UGT1A8: variants seen among roughly 807,000 people sequenced by gnomAD.
UGT1A8 encodes UDP glucuronosyltransferase family 1 member A8, also known as UDP-glucuronosyltransferase 1A8.
A neutral mutation model predicts 45.3 loss-of-function variants in UGT1A8; 39 were observed. The ratio of observed to expected loss-of-function variants is 0.86; its 90% confidence interval spans 0.67 to 1.12. The LOEUF is 1.12. Ranked by LOEUF, UGT1A8 falls within the 50% of genes most tolerant of loss-of-function variation. The pLI is 0.00. For missense variants in UGT1A8, 719 were observed against 664.9 expected (o/e 1.08, Z -0.90); for synonymous variants, 275 against 249.2 (o/e 1.10, Z -0.97).
At chr2:233,627,622 TTTCTTCCTTCCTTC>T (rs1175024583) in intron 1 of UGT1A8, among the ~76,000 whole-genome samples, 2 of 147,774 alleles carry the variant, frequency 1.4e-5, no homozygotes, top group African/African-American at 5.0e-5. Flanking sequence ...CCTTCCTTCC[TTTCTTCCTTCCTTC>T]CTTCCTTCCT....
At chr2:233,717,925 A>C (rs1037002174) in intron 1 of UGT1A8, 1 of 454,728 alleles carries the variant, frequency 2.2e-6, no homozygotes, top group Non-Finnish European at 4.4e-6. Flanking sequence ...ATGAATGGAT[A>C]CTTCAGTCTC....
chr2:233,618,232 C>T lies in UGT1A8; in HGVS notation c.525C>T (p.His175=), dbSNP rs201695290. ...SVVFARGIAC[H]YLEEGAQCPA... is the part of the protein sequence containing the mutation. The stretch of plus-strand genomic sequence containing the variant: ...TCTTCGCCAGGGGAATAGCTTGCCA[C>T]TATCTTGAAGAAGGTGCACAGTGCC... The change falls in exon 1 of 5, where the codon CAC becomes CAT. Residue 175 remains histidine (H), a synonymous_variant. Transcript: ENST00000373450. The T allele has an allele frequency of 6.2e-7, 1 of 1,613,942 alleles. No homozygotes were observed. Among genetic ancestry groups the T allele is most frequent in the Middle Eastern group, 1.7e-4 (1 of 6,058 alleles).
intron 1 of UGT1A8, among the ~76,000 whole-genome samples, chr2:233,681,677 T>G (rs931649702): frequency 3.3e-5 from 5 of 152,144 alleles, no homozygotes; most frequent in African/African-American, 1.2e-4. Flanking sequence ...TCTAAACTCA[T>G]ATTGCAGCAC....
intron 1 of UGT1A8, among the ~76,000 whole-genome samples, chr2:233,654,450 A>G (rs1207650825): frequency 1.3e-5 from 2 of 152,248 alleles, no homozygotes; most frequent in Admixed American, 6.5e-5. Context: ...GTACTCCAGC[A>G]GAGCATCATA....
chr2:233,701,410 C>G (rs905245248), intron 1 of UGT1A8, among the ~76,000 whole-genome samples: 1 of 152,020 alleles, frequency 6.6e-6, no homozygotes, highest in African/African-American at 2.4e-5. Flanking sequence ...CTTTAACACC[C>G]CACTGTCAAC....
intron 1 of UGT1A8, among the ~76,000 whole-genome samples, chr2:233,722,425 T>G (rs1224691160): frequency 6.6e-6 from 1 of 152,236 alleles, no homozygotes; most frequent in African/African-American, 2.4e-5. Context: ...ATGGATAGGT[T>G]GAATTATTTG....
intron 1 of UGT1A8, chr2:233,672,791 T>G (rs754609024): frequency 1.9e-5 from 31 of 1,612,892 alleles, no homozygotes; most frequent in Non-Finnish European, 2.5e-5. Context: ...TTGCCTATGG[T>G]AAGTTATCTC....
intron 1 of UGT1A8, among the ~76,000 whole-genome samples, chr2:233,731,531 G>A (rs1424894745): frequency 2.0e-5 from 3 of 152,100 alleles, no homozygotes; most frequent in African/African-American, 4.8e-5. Context: ...GAGAACATGC[G>A]GTGTTTGGTT....
chr2:233,631,333 T>C (rs1458831718), intron 1 of UGT1A8, among the ~76,000 whole-genome samples: 1 of 152,218 alleles, frequency 6.6e-6, no homozygotes, highest in Non-Finnish European at 1.5e-5. Flanking sequence ...GAATGATTTA[T>C]AATCCTTTGG....
In UGT1A8 at chr2:233,719,646, A is replaced by C. The variant is rs147342917; in HGVS notation, c.856-47388A>C. The stretch of plus-strand genomic sequence containing the variant: ...GCCGATCATGCCCAACATGGTCTTC[A>C]TTGGGGGCATCAACTGTGCCAACGG... On this transcript the variant is annotated intron_variant, in intron 1 of 4. Transcript: ENST00000373450. 2.8e-3 allele frequency: 4,509 copies of C among 1,613,986 alleles called. 13 individuals carry two copies. Among genetic ancestry groups the C allele is most frequent in the Non-Finnish European group, 3.7e-3 (4,328 of 1,179,976 alleles).
intron 1 of UGT1A8, among the ~76,000 whole-genome samples, chr2:233,683,306 A>G (rs1199443258): frequency 6.6e-6 from 1 of 152,132 alleles, no homozygotes; most frequent in East Asian, 1.9e-4. Flanking sequence ...AGGTCAATGC[A>G]TACAGATTTG....
chr2:233,626,796 A>G (rs1053063678), intron 1 of UGT1A8, among the ~76,000 whole-genome samples: 11 of 152,234 alleles, frequency 7.2e-5, no homozygotes, highest in Middle Eastern at 3.4e-3. Context: ...GGAAGCAGGT[A>G]GACCACTTTG....
intron 1 of UGT1A8, among the ~76,000 whole-genome samples, chr2:233,659,077 A>T (rs576699398): frequency 1.3e-4 from 20 of 152,324 alleles, no homozygotes; most frequent in Non-Finnish European, 2.8e-4. Flanking sequence ...ATTCTTGAAC[A>T]TATCTCTATA....
At chr2:233,625,609 T>TA (rs1559313236) in intron 1 of UGT1A8, among the ~76,000 whole-genome samples, 2 of 151,618 alleles carry the variant, frequency 1.3e-5, no homozygotes, top group Admixed American at 1.3e-4. Flanking sequence ...TATGCAGTCA[T>TA]AAAAAAAGAA....
intron 1 of UGT1A8, among the ~76,000 whole-genome samples, chr2:233,634,962 G>A (rs1418634547): frequency 1.3e-5 from 2 of 150,336 alleles, no homozygotes; most frequent in Non-Finnish European, 3.0e-5. Flanking sequence ...TCCATATTTA[G>A]TGCTTCCTTC....
In UGT1A8 at chr2:233,691,414, C is replaced by T. The variant is rs1302692454; in HGVS notation, c.855+72852C>T. ...GGGCCAGCCCTGTCCTTGGAGTGGCCCCTCTAATCATGTTGCTCAGGCTTC... is the reference window on the plus strand; with the variant it reads ...GGGCCAGCCCTGTCCTTGGAGTGGCTCCTCTAATCATGTTGCTCAGGCTTC... On this transcript the variant is annotated intron_variant, in intron 1 of 4. Transcript: ENST00000373450. The T allele has an allele frequency of 4.1e-6, 4 of 985,422 alleles. No homozygotes were observed. The East Asian group carries it at 4.5e-4, about 112-fold the overall frequency. The allele number at this position is 985,422 out of a possible 1,614,324, so 61.0% of individuals were successfully genotyped here. A position where few individuals can be genotyped will look rare whatever the true frequency, so the allele number is the denominator to read the frequency against.
chr2:233,719,749 T>G, intron 1 of UGT1A8: 1 of 1,612,804 alleles, frequency 6.2e-7, no homozygotes, highest in South Asian at 1.1e-5. Flanking sequence ...AAAAATGTAT[T>G]TACTTACAAG....
At chr2:233,728,783 A>T (rs1324632843) in intron 1 of UGT1A8, among the ~76,000 whole-genome samples, 1 of 152,246 alleles carries the variant, frequency 6.6e-6, no homozygotes, top group Admixed American at 6.5e-5. Context: ...CCTGATAAAC[A>T]TGGTTAACAG....
chr2:233,654,062 C>A (rs186023679), intron 1 of UGT1A8, among the ~76,000 whole-genome samples: 1 of 152,238 alleles, frequency 6.6e-6, no homozygotes, highest in East Asian at 1.9e-4. Flanking sequence ...TTAGAATTCT[C>A]CATAAGTCTA....
Sources: allele counts gnomAD v4.1 joint callset (sites outside exome capture counted in the v4.1 genomes callset), GRCh38; gene constraint gnomAD v4.1.1; transcripts MANE v1.5; gene names NCBI Gene and HGNC (gene_info 2026-07-23, HGNC 2026-07-21).